The following ACOXL variants were observed in gnomAD, a reference collection of about 807,000 sequenced individuals.
ACOXL encodes the protein acyl-coenzyme A oxidase-like protein.
In ACOXL, 70 loss-of-function variants were observed where a neutral mutation model predicts 71.9. The ratio of observed to expected loss-of-function variants is 0.97; its 90% CI spans 0.80 to 1.19. ACOXL has a LOEUF of 1.19. ACOXL is among the 50% of genes most tolerant of loss of function. The pLI, the probability that ACOXL is intolerant of heterozygous loss-of-function variation, is 0.00. For synonymous variants in ACOXL, 253 were observed against 281.6 expected, an observed-to-expected ratio of 0.90 and a Z score of 1.02; for missense variants, 703 against 736.3, an observed-to-expected ratio of 0.95 and a Z score of 0.52.
intron 10 of ACOXL, among the ~76,000 whole-genome samples, chr2:110,853,641 C>G (rs193253841): frequency 1.4e-4 from 22 of 152,258 alleles, no homozygotes; most frequent in African/African-American, 4.1e-4. Context: ...GGAAGATCCC[C>G]CAGAATCCAC....
chr2:110,800,197 C>T (rs1047775232), intron 7 of ACOXL, among the ~76,000 whole-genome samples: 9 of 152,214 alleles, frequency 5.9e-5, no homozygotes, highest in African/African-American at 2.2e-4. Context: ...GTAACACTCA[C>T]CATGAAGGTC....
chr2:110,779,188 C>T (rs1344816113), intron 2 of ACOXL, among the ~76,000 whole-genome samples: 1 of 152,152 alleles, frequency 6.6e-6, no homozygotes, highest in Non-Finnish European at 1.5e-5. Context: ...CTGGGCTTTC[C>T]TGGAGTAGTC....
At chr2:110,936,850 A>ATT (rs34395577) in intron 12 of ACOXL, among the ~76,000 whole-genome samples, 1 of 141,282 alleles carries the variant, frequency 7.1e-6, no homozygotes, top group African/African-American at 2.6e-5. Flanking sequence ...TATTTTAGGG[A>ATT]TTTTTTTTTT....
intron 16 of ACOXL, among the ~76,000 whole-genome samples, chr2:111,062,041 CAG>C (rs1397007591): frequency 3.3e-5 from 5 of 151,530 alleles, no homozygotes; most frequent in Non-Finnish European, 7.4e-5. Context: ...AATTTAAAGA[CAG>C]ATGGTCAGAG....
chr2:111,014,251 A>G (rs1355976236), intron 14 of ACOXL, among the ~76,000 whole-genome samples: 2 of 152,240 alleles, frequency 1.3e-5, no homozygotes, highest in African/African-American at 4.8e-5. Context: ...GAAAAAAGAA[A>G]TAGAAGAATT....
At chr2:110,916,525 T>G (rs1394722555) in intron 11 of ACOXL, among the ~76,000 whole-genome samples, 1 of 151,726 alleles carries the variant, frequency 6.6e-6, no homozygotes. Flanking sequence ...GCAGACAAAC[T>G]CAAAAGCTAG....
intron 12 of ACOXL, among the ~76,000 whole-genome samples, chr2:110,980,816 C>A (rs987785234): frequency 6.6e-6 from 1 of 152,226 alleles, no homozygotes; most frequent in Non-Finnish European, 1.5e-5. Context: ...GCTCTGCCCG[C>A]GGCCCTGAAA....
intron 11 of ACOXL, among the ~76,000 whole-genome samples, chr2:110,922,079 T>A (rs2060099337): frequency 6.6e-6 from 1 of 152,230 alleles, no homozygotes; most frequent in African/African-American, 2.4e-5. Flanking sequence ...ATCATATATA[T>A]CATTATTGGT....
intron 17 of ACOXL, among the ~76,000 whole-genome samples, chr2:111,110,443 T>C (rs1374153142): frequency 6.6e-6 from 1 of 152,224 alleles, no homozygotes; most frequent in African/African-American, 2.4e-5. Context: ...CATGGGACCA[T>C]GCAAATTTCC....
intron 16 of ACOXL, among the ~76,000 whole-genome samples, chr2:111,086,362 A>T (rs765020694): frequency 8.5e-5 from 13 of 152,190 alleles, no homozygotes; most frequent in Non-Finnish European, 1.5e-4. Context: ...AAGCTAATCC[A>T]CCAGGATCAA....
intron 9 of ACOXL, among the ~76,000 whole-genome samples, chr2:110,819,097 A>C (rs1688305707): frequency 6.6e-6 from 1 of 152,180 alleles, no homozygotes; most frequent in African/African-American, 2.4e-5. Context: ...ACATGATGCC[A>C]CGCTAAGAAT....
intron 16 of ACOXL, among the ~76,000 whole-genome samples, chr2:111,078,454 G>A (rs943163366): frequency 1.3e-5 from 2 of 152,010 alleles, no homozygotes; most frequent in Non-Finnish European, 2.9e-5. Flanking sequence ...AGTAGAGGTC[G>A]GGTTTCACCA....
intron 9 of ACOXL, among the ~76,000 whole-genome samples, chr2:110,839,588 C>T (rs553230035): frequency 3.9e-5 from 6 of 152,144 alleles, no homozygotes; most frequent in East Asian, 1.9e-4. Flanking sequence ...TTTTTGCAAA[C>T]GTAAGTCTCT....
intron 17 of ACOXL, among the ~76,000 whole-genome samples, chr2:111,095,175 C>G (rs2068736008): frequency 7.1e-6 from 1 of 141,508 alleles, no homozygotes; most frequent in Non-Finnish European, 1.5e-5. Context: ...CTATTTCCCA[C>G]AAAGAGAGTG....
Position 111,112,328 on chromosome 2 carries a change from A to C in ACOXL, c.1543-5288A>C, listed in dbSNP as rs576808675. Among the ~76,000 whole-genome samples, 4 of 152,332 alleles carry C rather than the reference A, an allele frequency of 2.6e-5. No homozygotes were observed. In the East Asian group the frequency reaches 7.7e-4, roughly 29 times the overall value. ...CTGACCCTCCCTGGAGGAGCCAGCC[A>C]GTGGGCAATGAAAACAGGAATGGAG... is the stretch of plus-strand genomic sequence containing the variant. On this transcript the variant is annotated intron_variant, in intron 17 of 17. Transcript: ENST00000439055.
intron 16 of ACOXL, among the ~76,000 whole-genome samples, chr2:111,063,517 A>G (rs2066916680): frequency 6.6e-6 from 1 of 152,226 alleles, no homozygotes; most frequent in African/African-American, 2.4e-5. Context: ...AAAAAGAGAA[A>G]AAAAAATCAC....
chr2:111,001,141 A>G (rs1275314853), intron 14 of ACOXL, among the ~76,000 whole-genome samples: 3 of 152,216 alleles, frequency 2.0e-5, no homozygotes, highest in Non-Finnish European at 2.9e-5. Flanking sequence ...TATACAATAA[A>G]GCTCCTAGGA....
chr2:110,784,279 A>G (rs1573498319), intron 2 of ACOXL, among the ~76,000 whole-genome samples: 1 of 152,152 alleles, frequency 6.6e-6, no homozygotes, highest in African/African-American at 2.4e-5. Context: ...AAGATTGTCA[A>G]CAGAGCTCCA....
intron 10 of ACOXL, among the ~76,000 whole-genome samples, chr2:110,845,070 G>T (rs147019637): frequency 1.3e-5 from 2 of 152,322 alleles, no homozygotes; most frequent in African/African-American, 4.8e-5. Flanking sequence ...TAGTCTGTTT[G>T]TGCTGCTATA....
Sources: gnomAD v4.1 joint callset for allele counts (sites outside exome capture counted in the v4.1 genomes callset) on GRCh38, gnomAD v4.1.1 for gene constraint, MANE v1.5 for transcripts, NCBI Gene and HGNC (gene_info 2026-07-23, HGNC 2026-07-21) for gene names.